DIPK1A: variants seen among roughly 807,000 people sequenced by gnomAD.
DIPK1A encodes divergent protein kinase domain 1A.
In DIPK1A, 27 loss-of-function variants were observed where a neutral mutation model predicts 40.8. That is an observed-to-expected ratio of 0.66 (90% CI 0.49 to 0.91). The LOEUF is 0.91. Ranked by LOEUF, DIPK1A falls within the 40% of genes least tolerant of loss-of-function variation. DIPK1A has a pLI of 0.00. For missense variants in DIPK1A, 412 were observed against 505.7 expected, an observed-to-expected ratio of 0.81 and a Z score of 1.78; for synonymous variants, 166 against 171.3, an observed-to-expected ratio of 0.97 and a Z score of 0.24.
intron 1 of DIPK1A, among the ~76,000 whole-genome samples, chr1:92,904,340 G>A (rs993729719): frequency 7.2e-5 from 11 of 152,050 alleles, no homozygotes; most frequent in Non-Finnish European, 1.5e-4. Flanking sequence ...TTGCCATATG[G>A]GAAAATGCTG....
chr1:92,925,576 C>T (rs1232075915), intron 1 of DIPK1A, among the ~76,000 whole-genome samples: 1 of 152,112 alleles, frequency 6.6e-6, no homozygotes, highest in Non-Finnish European at 1.5e-5. Context: ...TCACTGCAAC[C>T]TCCACCTCCC....
intron 1 of DIPK1A, among the ~76,000 whole-genome samples, chr1:92,927,364 G>GTTTTTTT (rs61508867): frequency 8.6e-5 from 9 of 104,676 alleles, no homozygotes; most frequent in African/African-American, 3.3e-4. Flanking sequence ...CAATTTTGTT[G>GTTTTTTT]TTTTTTTTTT....
intron 1 of DIPK1A, among the ~76,000 whole-genome samples, chr1:92,881,917 T>C: frequency 6.6e-6 from 1 of 152,334 alleles, no homozygotes; most frequent in South Asian, 2.1e-4. Context: ...AAAAAACTAT[T>C]TGTATATATG....
chr1:92,919,484 G>A (rs1443810658), intron 1 of DIPK1A, among the ~76,000 whole-genome samples: 1 of 152,096 alleles, frequency 6.6e-6, no homozygotes, highest in African/African-American at 2.4e-5. Context: ...ACTGACCTGA[G>A]CATGGAGAGT....
intron 1 of DIPK1A, among the ~76,000 whole-genome samples, chr1:92,918,481 A>T (rs541812498): frequency 2.6e-5 from 4 of 152,334 alleles, no homozygotes; most frequent in Admixed American, 2.6e-4. Context: ...ACTACAGAAC[A>T]TCAAGAAATT....
intron 2 of DIPK1A, among the ~76,000 whole-genome samples, chr1:92,872,756 T>C (rs1450954248): frequency 1.3e-5 from 2 of 152,332 alleles, no homozygotes; most frequent in East Asian, 3.9e-4. Flanking sequence ...CAAGGGTATA[T>C]AGCCCTCTAG....
chr1:92,833,749 C>A, intron 4 of DIPK1A: 2 of 998,702 alleles, frequency 2.0e-6, no homozygotes, highest in Non-Finnish European at 3.1e-6. Context: ...GTTAGAAGGG[C>A]TGTCTAGCAC....
At chr1:92,908,705 A>T (rs747132720) in intron 1 of DIPK1A, among the ~76,000 whole-genome samples, 4 of 152,224 alleles carry the variant, frequency 2.6e-5, no homozygotes, top group Non-Finnish European at 5.9e-5. Flanking sequence ...AAACTAGCAC[A>T]TGTTTAAATG....
chr1:92,853,084 C>G (rs565556640), intron 2 of DIPK1A, among the ~76,000 whole-genome samples: 1 of 151,292 alleles, frequency 6.6e-6, no homozygotes, highest in Admixed American at 6.6e-5. Flanking sequence ...CTTTGGAGGA[C>G]AAGGTTGAGA....
chr1:92,889,102 T>C (rs942828682), intron 1 of DIPK1A, among the ~76,000 whole-genome samples: 1 of 152,238 alleles, frequency 6.6e-6, no homozygotes, highest in Admixed American at 6.5e-5. Flanking sequence ...CATAAAGTGT[T>C]TCCCCTAGGC....
intron 1 of DIPK1A, among the ~76,000 whole-genome samples, chr1:92,938,914 A>G (rs1435006729): frequency 6.6e-6 from 1 of 152,118 alleles, no homozygotes; most frequent in Non-Finnish European, 1.5e-5. Flanking sequence ...TTTATCATTT[A>G]TTTTTTAGAC....
chr1:92,892,702 C>T (rs189697428), intron 1 of DIPK1A, among the ~76,000 whole-genome samples: 2 of 151,944 alleles, frequency 1.3e-5, no homozygotes, highest in Middle Eastern at 3.2e-3. Context: ...CAAACTACTC[C>T]GAGCTAAAGG....
intron 1 of DIPK1A, among the ~76,000 whole-genome samples, chr1:92,879,057 G>A (rs929124077): frequency 6.6e-6 from 1 of 151,796 alleles, no homozygotes; most frequent in Non-Finnish European, 1.5e-5. Context: ...GCTCATGCCT[G>A]TAGTCCCAGC....
At chr1:92,878,753 G>A (rs1407697779) in intron 1 of DIPK1A, among the ~76,000 whole-genome samples, 5 of 152,164 alleles carry the variant, frequency 3.3e-5, no homozygotes, top group South Asian at 2.1e-4. Flanking sequence ...CCCGGGGGGC[G>A]GAGCCTGCAG....
At chr1:92,960,816 G>C (rs774169778) in intron 1 of DIPK1A, among the ~76,000 whole-genome samples, 8 of 152,138 alleles carry the variant, frequency 5.3e-5, no homozygotes, top group Non-Finnish European at 2.9e-5. Flanking sequence ...CAAGGGGCTC[G>C]GCACGAGGCA....
At chr1:92,953,222 C>T (rs375255977) in intron 1 of DIPK1A, among the ~76,000 whole-genome samples, 4 of 148,116 alleles carry the variant, frequency 2.7e-5, no homozygotes, top group East Asian at 4.0e-4. Flanking sequence ...AGCTCACGCC[C>T]GTGAGAATGG....
intron 4 of DIPK1A, chr1:92,835,084 A>C: frequency 1.1e-6 from 1 of 906,712 alleles, no homozygotes; most frequent in Non-Finnish European, 1.7e-6. Flanking sequence ...TTCCAATAAA[A>C]TTTTCTGCAA....
At chr1:92,912,484 A>G (rs762392499) in intron 1 of DIPK1A, among the ~76,000 whole-genome samples, 43 of 152,140 alleles carry the variant, frequency 2.8e-4, no homozygotes, top group Admixed American at 5.2e-4. Context: ...CTCAGAACTA[A>G]AGGGGAAAAT....
In DIPK1A at chr1:92,868,635, GT is replaced by G. The variant is rs1347244434; in HGVS notation, c.189+7660del. On this transcript the variant is annotated intron_variant, in intron 2 of 4. Transcript: ENST00000370310. ...TTGTCAGTACCTTATTTATTTACTT[GT>G]TTTTGTTTTTAATTATACACATTCC... Among the ~76,000 whole-genome samples the G allele has an allele frequency of 3.3e-5, 5 of 152,096 alleles. No homozygotes were observed. The South Asian group carries it at 8.3e-4, about 25-fold the overall frequency.
Sources: allele counts gnomAD v4.1 joint callset (sites outside exome capture counted in the v4.1 genomes callset), GRCh38; gene constraint gnomAD v4.1.1; transcripts MANE v1.5; gene names NCBI Gene and HGNC (gene_info 2026-07-23, HGNC 2026-07-21).